LRRTM4: variants seen among roughly 807,000 people sequenced by gnomAD.
LRRTM4 encodes leucine-rich repeat transmembrane neuronal protein 4.
LRRTM4 carries 25 observed loss-of-function variants against 47.6 expected under a neutral mutation model. That is an observed-to-expected ratio of 0.53 (90% CI 0.38 to 0.73). The LOEUF (loss-of-function observed/expected upper bound fraction) is 0.73, where lower values mean the gene tolerates loss of function less well. Ranked by LOEUF, LRRTM4 falls within the 30% of genes least tolerant of loss-of-function variation. The pLI is 0.00. For missense variants in LRRTM4, 638 were observed against 713.4 expected (o/e 0.89, Z 1.20); for synonymous variants, 311 against 269.5 (o/e 1.15, Z -1.51).
chr2:77,177,939 G>A (rs1015977004), intron 3 of LRRTM4, among the ~76,000 whole-genome samples: 2 of 152,126 alleles, frequency 1.3e-5, no homozygotes, highest in African/African-American at 4.8e-5. Context: ...TCCTTTTGGG[G>A]AACTTTTATT....
At chr2:77,494,884 T>G (rs1678303095) in intron 3 of LRRTM4, among the ~76,000 whole-genome samples, 1 of 152,080 alleles carries the variant, frequency 6.6e-6, no homozygotes, top group Non-Finnish European at 1.5e-5. Context: ...TTTAAAAATA[T>G]TCATGGAATC....
At chr2:77,342,330 G>A (rs1006834123) in intron 3 of LRRTM4, among the ~76,000 whole-genome samples, 1 of 151,956 alleles carries the variant, frequency 6.6e-6, no homozygotes, top group African/African-American at 2.4e-5. Context: ...TGCAGGTCAG[G>A]AATTTTTATT....
At chr2:77,376,327 C>T (rs751655041) in intron 3 of LRRTM4, among the ~76,000 whole-genome samples, 1 of 151,446 alleles carries the variant, frequency 6.6e-6, no homozygotes, top group African/African-American at 2.4e-5. Flanking sequence ...TTTCACAAAA[C>T]GATATTACAT....
chr2:77,187,446 G>A (rs1264606417), intron 3 of LRRTM4, among the ~76,000 whole-genome samples: 2 of 148,956 alleles, frequency 1.3e-5, no homozygotes, highest in Non-Finnish European at 3.0e-5. Flanking sequence ...GACACAGGAA[G>A]GGGAACATCA....
At chr2:77,323,445 G>A (rs542029880) in intron 3 of LRRTM4, among the ~76,000 whole-genome samples, 22 of 152,126 alleles carry the variant, frequency 1.4e-4, no homozygotes, top group African/African-American at 4.1e-4. Context: ...TCCACCCTAC[G>A]TTTGAACTTT....
chr2:77,065,332 C>T (rs1679917440), intron 3 of LRRTM4, among the ~76,000 whole-genome samples: 1 of 152,090 alleles, frequency 6.6e-6, no homozygotes. Flanking sequence ...ACATACAGTC[C>T]TTGCCCTCAG....
chr2:77,281,264 T>C (rs1676499106), intron 3 of LRRTM4, among the ~76,000 whole-genome samples: 1 of 151,952 alleles, frequency 6.6e-6, no homozygotes, highest in Non-Finnish European at 1.5e-5. Context: ...TCATGGTCTA[T>C]CAAAGGTCAT....
chr2:76,916,732 C>G (rs1674265410), intron 3 of LRRTM4, among the ~76,000 whole-genome samples: 1 of 151,984 alleles, frequency 6.6e-6, no homozygotes, highest in African/African-American at 2.4e-5. Context: ...ATATTGTGAC[C>G]TAAAATTTTA....
intron 3 of LRRTM4, among the ~76,000 whole-genome samples, chr2:77,506,960 T>G (rs948807946): frequency 1.1e-4 from 17 of 152,204 alleles, no homozygotes; most frequent in East Asian, 1.9e-4. Context: ...ATGAAATTAA[T>G]TTTCTCTAAT....
intron 3 of LRRTM4, among the ~76,000 whole-genome samples, chr2:77,207,225 A>ATG (rs1308899375): frequency 1.6e-4 from 21 of 131,562 alleles, no homozygotes; most frequent in Non-Finnish European, 2.3e-4. Context: ...ATATACACAT[A>ATG]TGTGTATATA....
chr2:76,912,639 C>T (rs192512661), intron 3 of LRRTM4, among the ~76,000 whole-genome samples: 38 of 152,218 alleles, frequency 2.5e-4, no homozygotes, highest in Admixed American at 1.8e-3. Flanking sequence ...GTGTCCTCAC[C>T]CAAATGTCAT....
At chr2:76,965,685 T>A (rs185353502) in intron 3 of LRRTM4, among the ~76,000 whole-genome samples, 3 of 151,542 alleles carry the variant, frequency 2.0e-5, no homozygotes, top group African/African-American at 7.2e-5. Context: ...TTCTACTACT[T>A]ACGCTTTTCA....
chr2:76,924,219 C>CA (rs759564301), intron 3 of LRRTM4, among the ~76,000 whole-genome samples: 1 of 151,918 alleles, frequency 6.6e-6, no homozygotes, highest in Non-Finnish European at 1.5e-5. Context: ...AAAACTAAAG[C>CA]AAAAAATATA....
At chr2:77,507,840 C>A (rs758992400) in intron 3 of LRRTM4, among the ~76,000 whole-genome samples, 5 of 151,630 alleles carry the variant, frequency 3.3e-5, no homozygotes, top group Non-Finnish European at 5.9e-5. Flanking sequence ...ACTTAATCAC[C>A]GAAGACAAGG....
chr2:76,894,251 T>A (rs1326246788), intron 3 of LRRTM4, among the ~76,000 whole-genome samples: 2 of 152,052 alleles, frequency 1.3e-5, no homozygotes, highest in Non-Finnish European at 2.9e-5. Context: ...ATGCACATGC[T>A]AGAAAACCTT....
intron 3 of LRRTM4, among the ~76,000 whole-genome samples, chr2:77,029,083 TTATA>T (rs915147777): frequency 6.2e-5 from 9 of 145,562 alleles, no homozygotes; most frequent in African/African-American, 2.3e-4. Flanking sequence ...TATATATATA[TTATA>T]TATATATTCA....
intron 3 of LRRTM4, among the ~76,000 whole-genome samples, chr2:76,877,906 AAAG>A (rs1176798537): frequency 1.4e-5 from 2 of 146,084 alleles, no homozygotes; most frequent in African/African-American, 2.5e-5. Flanking sequence ...AAAAAATAAG[AAAG>A]AAGAAGGAAA....
chr2:76,806,629 CA>C (rs1317466301), intron 3 of LRRTM4, among the ~76,000 whole-genome samples: 5 of 151,734 alleles, frequency 3.3e-5, no homozygotes, highest in African/African-American at 1.2e-4. Context: ...AAATGAATAA[CA>C]GTTGAACATT....
intron 3 of LRRTM4, among the ~76,000 whole-genome samples, chr2:77,013,172 TC>T (rs1484228755): frequency 1.3e-5 from 2 of 148,178 alleles, no homozygotes; most frequent in Admixed American, 6.7e-5. Context: ...TTGGGCTGAA[TC>T]AGGAGGGAAA....
Sources: allele counts gnomAD v4.1 joint callset (sites outside exome capture counted in the v4.1 genomes callset), GRCh38; gene constraint gnomAD v4.1.1; transcripts MANE v1.5; gene names NCBI Gene and HGNC (gene_info 2026-07-23, HGNC 2026-07-21).